The following ACAD9 variants were observed in gnomAD, a reference collection of about 807,000 sequenced individuals.
ACAD9 encodes acyl-CoA dehydrogenase family member 9, also known as complex I assembly factor ACAD9, mitochondrial.
ACAD9 carries 53 observed loss-of-function variants against 70.2 expected under a neutral mutation model. The observed-to-expected ratio is 0.75, with a 90% CI of 0.61 to 0.95. The LOEUF is 0.95. ACAD9 is among the 40% of genes least tolerant of loss of function. The pLI is 0.00. For missense variants in ACAD9, 777 were observed against 802.8 expected, an observed-to-expected ratio of 0.97 and a Z score of 0.39; for synonymous variants, 313 against 312.1, an observed-to-expected ratio of 1.00 and a Z score of -0.03.
intron 2 of ACAD9, among the ~76,000 whole-genome samples, chr3:128,887,714 A>G (rs1408817432): frequency 6.6e-6 from 1 of 150,928 alleles, no homozygotes; most frequent in Non-Finnish European, 1.5e-5. Context: ...CACAGGAACA[A>G]AGGTCTCTTG....
chr3:128,888,633 G>A, intron 2 of ACAD9, among the ~76,000 whole-genome samples: 1 of 152,060 alleles, frequency 6.6e-6, no homozygotes, highest in Admixed American at 6.6e-5. Context: ...AGCAGCTCAG[G>A]TCCCCCAGAA....
intron 2 of ACAD9, among the ~76,000 whole-genome samples, chr3:128,889,238 T>A (rs1935342611): frequency 6.6e-6 from 1 of 151,916 alleles, no homozygotes; most frequent in African/African-American, 2.4e-5. Flanking sequence ...GGTTTCCAAC[T>A]CCTGGGCTCA....
intron 7 of ACAD9, among the ~76,000 whole-genome samples, chr3:128,900,722 AG>A (rs753605243): frequency 1.3e-5 from 2 of 152,088 alleles, no homozygotes; most frequent in Non-Finnish European, 2.9e-5. Flanking sequence ...TATTGGCCAC[AG>A]GAAGTCACAT....
chr3:128,899,482 C>CGTGCGCGT, intron 7 of ACAD9, 21 bp downstream of exon 7: 1 of 1,611,136 alleles, frequency 6.2e-7, no homozygotes, highest in Non-Finnish European at 8.5e-7. Context: ...CCTGTGCGCG[C>CGTGCGCGT]GTGCGCGTGT....
intron 9 of ACAD9, among the ~76,000 whole-genome samples, chr3:128,903,848 C>T (rs972205548): frequency 1.3e-5 from 2 of 152,176 alleles, no homozygotes; most frequent in Non-Finnish European, 2.9e-5. Context: ...TATCTGATGC[C>T]AAACTCTGTG....
intron 2 of ACAD9, among the ~76,000 whole-genome samples, chr3:128,888,536 G>A (rs115046806): frequency 0.041 from 6,301 of 152,116 alleles, 171 homozygotes; most frequent in Non-Finnish European, 0.058. Flanking sequence ...CTGGGATGGC[G>A]CCACTGCACT....
Position 128,899,373 on chromosome 3 carries a change from C to T in ACAD9, c.720C>T (p.Asp240=). 1 of 1,614,268 alleles carries T rather than the reference C, an allele frequency of 6.2e-7. No homozygotes were observed. Among genetic ancestry groups the T allele is most frequent in the Non-Finnish European group, 8.5e-7 (1 of 1,180,048 alleles). The change falls in exon 7 of 18, where the codon GAC becomes GAT. Residue 240 remains aspartate (D), a synonymous_variant. Transcript: ENST00000308982. ...TTGATTCTGATGGATCAGTGAAAGA[C>T]AAAATCACAGCATTCATAGTAGAAA... is the stretch of plus-strand genomic sequence containing the variant. ...EVVDSDGSVK[D]KITAFIVERD...
At chr3:128,881,756 T>G (rs1935101323) in intron 1 of ACAD9, among the ~76,000 whole-genome samples, 1 of 152,230 alleles carries the variant, frequency 6.6e-6, no homozygotes, top group Non-Finnish European at 1.5e-5. Context: ...ATCACTGTTC[T>G]CGCCATTCTC....
rs115131918 is a variant in ACAD9, at chr3:128,897,786, C to A, written c.633+76C>A. ...TGCCACTGAGTGAGCACTCTCCACA[C>A]ACCAGGGATTGTACCTGCTGCTGTA... On this transcript the variant is annotated intron_variant, in intron 6 of 17. Transcript: ENST00000308982. 6.2e-4 allele frequency: 819 copies of A among 1,310,872 alleles called. 2 individuals carry two copies. In the African/African-American group the frequency reaches 0.011, roughly 17 times the overall value. The allele number at this position is 1,310,872 out of a possible 1,614,324, so 81.2% of individuals were successfully genotyped here.
chr3:128,899,248 G>A, intron 6 of ACAD9, 39 bp from the exon 7 acceptor site: 1 of 1,609,892 alleles, frequency 6.2e-7, no homozygotes, highest in Non-Finnish European at 8.5e-7. Context: ...GGTCACATAG[G>A]GGTTTGGTTT....
At chr3:128,895,990 A>G (rs1261345852) in intron 4 of ACAD9, among the ~76,000 whole-genome samples, 7 of 152,234 alleles carry the variant, frequency 4.6e-5, no homozygotes, top group Admixed American at 1.3e-4. Flanking sequence ...GGAGGGCAGC[A>G]GGTGGGACAG....
At chr3:128,880,031 A>C in intron 1 of ACAD9, 190 bp downstream of exon 1, 1 of 1,539,114 alleles carries the variant, frequency 6.5e-7, no homozygotes, top group South Asian at 1.2e-5. Context: ...AGACATTTCC[A>C]AGACGGGGGA....
At chr3:128,885,461 A>T (rs1307693926) in intron 2 of ACAD9, among the ~76,000 whole-genome samples, 1 of 152,078 alleles carries the variant, frequency 6.6e-6, no homozygotes, top group African/African-American at 2.4e-5. Flanking sequence ...GTACCATCTC[A>T]TCTCACCACC....
At chr3:128,893,404 C>T in intron 2 of ACAD9, 151 bp from the exon 3 acceptor site, 1 of 639,782 alleles carries the variant, frequency 1.6e-6, no homozygotes, top group African/African-American at 1.9e-5. Context: ...AAATTGAACA[C>T]AGGCCAAATG....
intron 1 of ACAD9, among the ~76,000 whole-genome samples, chr3:128,883,254 CTGGTT>C (rs1935145774): frequency 6.6e-6 from 1 of 151,796 alleles, no homozygotes; most frequent in African/African-American, 2.4e-5. Flanking sequence ...CACGCCCAGG[CTGGTT>C]TTGAACTCCT....
chr3:128,908,240 G>C lies in ACAD9; in HGVS notation c.1334G>C (p.Gly445Ala). 1 of 1,614,172 alleles carries C rather than the reference G, an allele frequency of 6.2e-7. No individual in the cohort carries two copies. The highest frequency in any genetic ancestry group is 8.5e-7 in the Non-Finnish European group (1 of 1,180,030). Residue 445 changes from glycine (G) to alanine (A), a missense_variant, in exon 13 of 18, where the codon GGC becomes GCC. Physicochemically the swap from Gly to Ala is moderately conservative, Grantham distance 60. Coordinates refer to ENST00000308982, the MANE Select transcript of ACAD9 (RefSeq NM_014049.5). The part of the protein sequence containing the change: ...YIALTGLQHA[G>A]RILTTRIHEL... Reference sequence around the variant, plus strand: ...GCCCTGACGGGTCTGCAGCATGCCGGCCGCATCCTGACTACCAGGATCCAG... The same window carrying C: ...GCCCTGACGGGTCTGCAGCATGCCGCCCGCATCCTGACTACCAGGATCCAG...
rs758455487 is a variant in ACAD9 at position 128,896,548 on chromosome 3, C to T, written c.554+12C>T. 1.2e-6 allele frequency: 2 copies of T among 1,613,520 alleles called. No homozygotes were observed. Among genetic ancestry groups the T allele is most frequent in the Non-Finnish European group, 1.7e-6 (2 of 1,179,656 alleles). On this transcript the variant is annotated intron_variant, in intron 5 of 17. Transcript: ENST00000308982. The stretch of plus-strand genomic sequence containing the variant: ...ACGGAGCCAGCCAGGTCTGTCTCTG[C>T]ACAAAACGTTATCCCTCAGCAGCTG...
At chr3:128,910,246 G>T (rs1486131920) in intron 16 of ACAD9, 97 bp downstream of exon 16, 70 of 1,577,242 alleles carry the variant, frequency 4.4e-5, no homozygotes, top group Non-Finnish European at 5.6e-5. Flanking sequence ...GGTCGGGTGT[G>T]GGGGAGGCTG....
intron 12 of ACAD9, 128 bp from the exon 13 acceptor site, chr3:128,908,057 T>A (rs1935948925): frequency 1.1e-6 from 1 of 880,290 alleles, no homozygotes. Flanking sequence ...TGCTCCCAGC[T>A]ACTTCAGGAG....
Sources: gnomAD v4.1 joint callset for allele counts (sites outside exome capture counted in the v4.1 genomes callset) on GRCh38, gnomAD v4.1.1 for gene constraint, MANE v1.5 for transcripts, NCBI Gene and HGNC (gene_info 2026-07-23, HGNC 2026-07-21) for gene names.